Variants in CPAP observed in about 807,000 individuals in gnomAD.
The protein encoded by CPAP is centrosome assembly and centriole elongation protein, also known as centrosomal P4.1-associated protein.
At chr13:24,883,379 T>G in the CPAP span, 12 of 1,572,642 alleles carry the variant, frequency 7.6e-6, no homozygotes, top group Admixed American at 9.0e-5. Flanking sequence ...ACTGTAAAAT[T>G]TAAAAAAAAT....
the CPAP span, among the ~76,000 whole-genome samples, chr13:24,894,613 A>G: frequency 6.6e-6 from 1 of 152,220 alleles, no homozygotes; most frequent in Non-Finnish European, 1.5e-5. Context: ...GCTGCAAAGG[A>G]AAAAACAGAT....
At chr13:24,920,927 C>T in the CPAP span, among the ~76,000 whole-genome samples, 1 of 151,936 alleles carries the variant, frequency 6.6e-6, no homozygotes, top group Non-Finnish European at 1.5e-5. Context: ...GCACCTGGCC[C>T]ATGTTTCCAT....
At chr13:24,899,961 C>CA in the CPAP span, among the ~76,000 whole-genome samples, 34,124 of 144,418 alleles carry the variant, frequency 0.24, 4,448 homozygotes, top group East Asian at 0.33. Flanking sequence ...GACTCTGTCT[C>CA]AAAAAAAAAA....
At chr13:24,884,269 G>A in the CPAP span, 1 of 1,613,946 alleles carries the variant, frequency 6.2e-7, no homozygotes, top group Non-Finnish European at 8.5e-7. Context: ...CAGTCAGTCT[G>A]CCTTTTCTCC....
At chr13:24,906,403 G>T in the CPAP span, 1 of 1,612,766 alleles carries the variant, frequency 6.2e-7, no homozygotes, top group Non-Finnish European at 8.5e-7. Context: ...ACTCTTTCAT[G>T]GTCTCCCTTA....
the CPAP span, chr13:24,912,904 T>A: frequency 6.2e-7 from 1 of 1,614,168 alleles, no homozygotes; most frequent in Non-Finnish European, 8.5e-7. Flanking sequence ...CTTCTCTTTG[T>A]CTGCTTCCAA....
the CPAP span, among the ~76,000 whole-genome samples, chr13:24,927,329 C>T: frequency 2.6e-5 from 4 of 152,118 alleles, no homozygotes; most frequent in South Asian, 4.1e-4. Context: ...GAAATTACAA[C>T]AAACCCATGA....
At chr13:24,912,086 T>C in the CPAP span, 6 of 1,607,542 alleles carry the variant, frequency 3.7e-6, no homozygotes, top group African/African-American at 5.3e-5. Flanking sequence ...AAATACAAAA[T>C]TAACTTTATT....
the CPAP span, chr13:24,885,804 T>C: frequency 1.4e-6 from 1 of 699,308 alleles, no homozygotes. Flanking sequence ...TCTTAATATT[T>C]TTCTTTACTA....
chr13:24,923,995 AT>A, the CPAP span, among the ~76,000 whole-genome samples: 1 of 151,920 alleles, frequency 6.6e-6, no homozygotes, highest in African/African-American at 2.4e-5. Flanking sequence ...CGCCTGGCTA[AT>A]TTTTTTATTT....
chr13:24,927,170 A>G, the CPAP span, among the ~76,000 whole-genome samples: 1 of 152,150 alleles, frequency 6.6e-6, no homozygotes, highest in Non-Finnish European at 1.5e-5. Context: ...ATCCCTGTTC[A>G]TCTTTGGGAA....
the CPAP span, among the ~76,000 whole-genome samples, chr13:24,932,137 C>G: frequency 6.6e-6 from 1 of 152,142 alleles, no homozygotes; most frequent in Non-Finnish European, 1.5e-5. Context: ...AACCCGGACC[C>G]GCGATCCCCA....
At chr13:24,892,583 G>T in the CPAP span, 3 of 1,281,976 alleles carry the variant, frequency 2.3e-6, no homozygotes, top group Non-Finnish European at 3.4e-6. Context: ...CTATGAATTT[G>T]AATGCTCAGA....
At chr13:24,924,885 A>G in the CPAP span, 1 of 81,964 alleles carries the variant, frequency 1.2e-5, no homozygotes, top group African/African-American at 3.5e-5. Context: ...TCTGCAAAAC[A>G]GGGGTGGATA....
At chr13:24,922,051 G>A in the CPAP span, among the ~76,000 whole-genome samples, 3 of 152,124 alleles carry the variant, frequency 2.0e-5, no homozygotes, top group African/African-American at 7.2e-5. Context: ...ACGGGTGCAC[G>A]TGTATGTCAA....
At chr13:24,906,526 A>G in the CPAP span, 101 of 1,614,060 alleles carry the variant, frequency 6.3e-5, 1 homozygote, top group East Asian at 2.2e-5. Flanking sequence ...TTGGACACTC[A>G]GTTACATTTT....
chr13:24,886,159 ATC>A, the CPAP span: 57 of 485,238 alleles, frequency 1.2e-4, no homozygotes, highest in African/African-American at 9.9e-4. Context: ...AGTGAGGTGA[ATC>A]TCTCTCTAAA....
the CPAP span, among the ~76,000 whole-genome samples, chr13:24,902,726 G>T: frequency 2.6e-5 from 4 of 152,188 alleles, no homozygotes; most frequent in Non-Finnish European, 4.4e-5. Context: ...GCACCTGTCA[G>T]AATCAACCAC....
At chr13:24,930,443 T>G in the CPAP span, among the ~76,000 whole-genome samples, 2 of 152,202 alleles carry the variant, frequency 1.3e-5, no homozygotes, top group Admixed American at 6.5e-5. Flanking sequence ...CAATAGTTTT[T>G]TCAACCCTTG....
Sources: gnomAD v4.1 joint callset for allele counts (sites outside exome capture counted in the v4.1 genomes callset) on GRCh38, gnomAD v4.1.1 for gene constraint, MANE v1.5 for transcripts, NCBI Gene and HGNC (gene_info 2026-07-23, HGNC 2026-07-21) for gene names.